Variants in TRIM37 observed in about 807,000 individuals in gnomAD.
TRIM37 encodes the protein E3 ubiquitin-protein ligase TRIM37.
In TRIM37, 80 loss-of-function variants were observed where a neutral mutation model predicts 129.8. The observed-to-expected ratio is 0.62, with a 90% CI of 0.51 to 0.74. TRIM37 has a LOEUF of 0.74. Ranked by LOEUF, TRIM37 falls within the 30% of genes least tolerant of loss-of-function variation. The pLI, the probability that TRIM37 is intolerant of heterozygous loss-of-function variation, is 0.00. For missense variants in TRIM37, 1,054 were observed against 1,176.5 expected, an observed-to-expected ratio of 0.90 and a Z score of 1.52; for synonymous variants, 389 against 387.1, an observed-to-expected ratio of 1.00 and a Z score of -0.06.
chr17:59,009,130 TTTC>T (rs1271558434), intron 22 of TRIM37, among the ~76,000 whole-genome samples: 1 of 152,118 alleles, frequency 6.6e-6, no homozygotes, highest in Admixed American at 6.6e-5. Context: ...TTTTTTTTCT[TTTC>T]TTCTTTTTTT....
chr17:59,075,353 G>A (rs1191448673), intron 8 of TRIM37, among the ~76,000 whole-genome samples: 2 of 151,988 alleles, frequency 1.3e-5, no homozygotes, highest in East Asian at 3.9e-4. Flanking sequence ...CACCAGGTCA[G>A]GAGATCGAGA....
intron 2 of TRIM37, among the ~76,000 whole-genome samples, chr17:59,101,297 G>C (rs1345359056): frequency 6.6e-6 from 1 of 151,946 alleles, no homozygotes; most frequent in African/African-American, 2.4e-5. Flanking sequence ...GAGGCTTCTG[G>C]GGAAAAGAAA....
chr17:59,089,703 C>T (rs996324945), intron 3 of TRIM37, among the ~76,000 whole-genome samples: 1 of 152,178 alleles, frequency 6.6e-6, no homozygotes, highest in Admixed American at 6.5e-5. Context: ...AAGTGATCGA[C>T]AGCCACACAC....
intron 6 of TRIM37, among the ~76,000 whole-genome samples, 178 bp downstream of exon 6, chr17:59,080,919 T>A (rs1290970318): frequency 6.6e-6 from 1 of 152,130 alleles, no homozygotes; most frequent in East Asian, 1.9e-4. Context: ...CCAGGGGCTT[T>A]GTATGCAAAT....
intron 8 of TRIM37, among the ~76,000 whole-genome samples, chr17:59,071,634 G>A (rs1362270614): frequency 6.6e-6 from 1 of 150,948 alleles, no homozygotes; most frequent in Non-Finnish European, 1.5e-5. Flanking sequence ...CTAGGTGACA[G>A]AATACAAAAC....
intron 4 of TRIM37, 184 bp downstream of exon 4, chr17:59,088,107 T>C (rs2043940742): frequency 1.6e-6 from 1 of 618,320 alleles, no homozygotes; most frequent in Admixed American, 2.8e-5. Context: ...GAAATAACTG[T>C]TGTTAAATAA....
chr17:59,057,320 T>C (rs1353671127), intron 12 of TRIM37, among the ~76,000 whole-genome samples: 4 of 152,214 alleles, frequency 2.6e-5, no homozygotes, highest in Admixed American at 2.6e-4. Flanking sequence ...GTTCAAGTGA[T>C]TCTCCTGCCT....
downstream of TRIM37, chr17:58,980,653 C>A (rs766068408): frequency 1.2e-6 from 2 of 1,614,146 alleles, no homozygotes; most frequent in Admixed American, 3.3e-5. This position sits in a 1 kb window ranked among gnomAD's most constrained non-coding sequence, Gnocchi z 4.7. Flanking sequence ...CCACTGCTTT[C>A]AATTTGGGTT....
At chr17:59,035,747 ACAAAAAAACAAAAAAC>A (rs1045329100) in intron 17 of TRIM37, among the ~76,000 whole-genome samples, 23 of 151,336 alleles carry the variant, frequency 1.5e-4, no homozygotes, top group South Asian at 1.2e-3. Flanking sequence ...ATTCAAAAAA[ACAAAAAAACAAAAAAC>A]CAAAAAAACA....
chr17:58,993,905 T>C (rs186487855), downstream of TRIM37, among the ~76,000 whole-genome samples: 4 of 152,252 alleles, frequency 2.6e-5, no homozygotes. Flanking sequence ...ACTAATGTAA[T>C]TTTGAACCTA....
Position 59,012,423 on chromosome 17 carries a change from A to G in TRIM37, c.2600T>C (p.Leu867Pro), listed in dbSNP as rs1298434776. 6 of 1,610,768 alleles carry G rather than the reference A, an allele frequency of 3.7e-6. No individual in the cohort carries two copies. The Admixed American group carries it at 5.0e-5, about 13-fold the overall frequency. Reference sequence around the variant, plus strand: ...CAAATCAGTCATCTGCAGTCCTTCCAGATGACCTCCTTTAGCATTAGCCCT... The same window carrying G: ...CAAATCAGTCATCTGCAGTCCTTCCGGATGACCTCCTTTAGCATTAGCCCT... ...TLGANAKGGH[L>P]EGLQMTDLEN... Residue 867 changes from leucine (L) to proline (P), a missense_variant, in exon 22 of 24, where the codon CTG becomes CCG. Leu to Pro is a moderately conservative substitution (Grantham distance 98). Around this residue, in one of 3 missense-constraint regions of TRIM37, gnomAD observed 287 missense variants for 274.3 expected, o/e 1.05. Coordinates refer to ENST00000262294, the MANE Select transcript of TRIM37 (RefSeq NM_015294.6).
intron 23 of TRIM37, among the ~76,000 whole-genome samples, chr17:58,999,830 T>G (rs1420182112): frequency 6.6e-6 from 1 of 152,200 alleles, no homozygotes. Context: ...CAAAGCCAAT[T>G]AAACTACGCA....
rs1480995534 is a variant in TRIM37 at position 59,088,378 on chromosome 17, T to C, written c.194A>G (p.Asn65Ser). ...TGTTACTTCTTCTGCCCAACGACAA[T>C]TTACTAGTTCTCGTAGCTGGAGTGG... ...RAPLQLRELVNCRWAEEVTQQ... is the reference protein window; with the variant it reads ...RAPLQLRELVSCRWAEEVTQQ... The change falls in exon 4 of 24, where the codon AAT (asparagine) becomes AGT (serine). Residue 65 changes from asparagine (N) to serine (S), a missense_variant. Transcript: ENST00000262294. 1 of 1,613,532 alleles carries C rather than the reference T, an allele frequency of 6.2e-7. No homozygotes were observed. The highest frequency in any genetic ancestry group is 1.1e-5 in the South Asian group (1 of 91,062).
chr17:58,982,957 G>A (rs769308930), intron 24 of TRIM37: 13 of 1,556,554 alleles, frequency 8.4e-6, no homozygotes, highest in Middle Eastern at 1.7e-4. Context: ...GCAGACTATT[G>A]GTACACATTA....
chr17:58,976,421 A>G, the TRIM37 span, among the ~76,000 whole-genome samples: 5 of 152,186 alleles, frequency 3.3e-5, no homozygotes, highest in Non-Finnish European at 7.3e-5. Context: ...AGAATTTGAG[A>G]AAGAATTGGA....
chr17:59,079,732 A>G (rs1299558721), intron 7 of TRIM37, 22 bp downstream of exon 7: 2 of 1,613,682 alleles, frequency 1.2e-6, no homozygotes, highest in Non-Finnish European at 1.7e-6. Flanking sequence ...CAGGTACCCC[A>G]GCAGCATACA....
intron 17 of TRIM37, among the ~76,000 whole-genome samples, chr17:59,033,182 A>G (rs2038077589): frequency 6.6e-6 from 1 of 152,248 alleles, no homozygotes; most frequent in Non-Finnish European, 1.5e-5. Flanking sequence ...AATATTAAAA[A>G]GTCAGGTTCC....
chr17:58,980,722 A>C (rs1001578068), downstream of TRIM37: 1 of 1,614,102 alleles, frequency 6.2e-7, no homozygotes, highest in African/African-American at 1.3e-5. The surrounding 1 kb of genome is among the most constrained non-coding windows in gnomAD (Gnocchi z 4.7). Context: ...CAGGGTTGGA[A>C]AATGAACAGT....
chr17:59,079,456 T>C (rs1037446140), intron 7 of TRIM37, among the ~76,000 whole-genome samples: 8 of 152,174 alleles, frequency 5.3e-5, no homozygotes, highest in Admixed American at 1.3e-4. Context: ...GGAACATTAG[T>C]AGAAGGAATT....
Sources: allele counts gnomAD v4.1 joint callset (sites outside exome capture counted in the v4.1 genomes callset), GRCh38; gene constraint gnomAD v4.1.1; regional missense constraint gnomAD v4.1.1; non-coding constraint Gnocchi (gnomAD v3.1); transcripts MANE v1.5; gene names NCBI Gene and HGNC (gene_info 2026-07-23, HGNC 2026-07-21).